The following SS18L1 variants were observed in gnomAD, a reference collection of about 807,000 sequenced individuals.
SS18L1 encodes calcium-responsive transactivator.
Under a neutral mutation model 70.3 loss-of-function variants are expected in SS18L1, and 32 were observed. The ratio of observed to expected loss-of-function variants is 0.46; its 90% confidence interval spans 0.34 to 0.61. The LOEUF is 0.61. Ranked by LOEUF, SS18L1 falls within the 20% of genes least tolerant of loss-of-function variation. SS18L1 has a pLI of 0.01. For missense variants in SS18L1, 430 were observed against 542.1 expected (o/e 0.79, Z 2.05); for synonymous variants, 237 against 229.7 (o/e 1.03, Z -0.29).
rs1249907887 is a variant in SS18L1, at chr20:62,156,202, C to T, written c.70-2470C>T. 3.3e-5 allele frequency among the ~76,000 whole-genome samples: 5 copies of T among 152,204 alleles called. No individual in the cohort carries two copies. In the East Asian group the frequency reaches 9.6e-4, roughly 29 times the overall value. On this transcript the variant is annotated intron_variant, in intron 1 of 10. Coordinates refer to ENST00000331758, the MANE Select transcript of SS18L1 (RefSeq NM_198935.3). ...AGTGATGCTGAAATGCCCGCCGTGTCTAGTTCGTGTCCCTGGAGACAATCT... is the reference window on the plus strand; with the variant it reads ...AGTGATGCTGAAATGCCCGCCGTGTTTAGTTCGTGTCCCTGGAGACAATCT...
At position 62,163,515 on chromosome 20, in the gene SS18L1, G is replaced by C. The variant is rs774237530; in HGVS notation, c.614G>C (p.Ser205Thr). ...CACTACAGCTCGGCGCAGGGCGGCA[G>C]CCAGCACTACCAGGGCCAGTCGTCC... ...TSHYSSAQGG[S>T]QHYQGQSSIA... is the part of the protein sequence containing the mutation. Residue 205 changes from serine (S) to threonine (T), a missense_variant, in exon 6 of 11, where the codon AGC (serine) becomes ACC (threonine). Transcript: ENST00000331758. 252 of 1,611,960 alleles carry C rather than the reference G, an allele frequency of 1.6e-4. No individual in the cohort carries two copies. The highest frequency in any genetic ancestry group is 2.0e-4 in the Non-Finnish European group (235 of 1,179,862).
chr20:62,169,202 T>C (rs1239571361), intron 8 of SS18L1, among the ~76,000 whole-genome samples: 1 of 152,218 alleles, frequency 6.6e-6, no homozygotes, highest in Admixed American at 6.5e-5. Context: ...GCCCATGAGC[T>C]GCCAAAGCCA....
intron 1 of SS18L1, among the ~76,000 whole-genome samples, chr20:62,150,984 A>G (rs950099668): frequency 6.2e-4 from 94 of 152,234 alleles, no homozygotes; most frequent in African/African-American, 2.2e-3. Context: ...AGTCTTTGTA[A>G]TTAGAAAGGA....
At chr20:62,167,815 C>CTT (rs371641183) in intron 8 of SS18L1, among the ~76,000 whole-genome samples, 4 of 144,550 alleles carry the variant, frequency 2.8e-5, no homozygotes, top group African/African-American at 5.0e-5. Context: ...GATGTAGCTA[C>CTT]TTTTTTTTTT....
chr20:62,158,892 G>A lies in SS18L1; in HGVS notation c.146+144G>A. ...AGCACGGAGGCCAGATATGTCCCAG[G>A]AGTCCCCTGCACAGAGGCCAGATAT... On this transcript the variant is annotated intron_variant, in intron 2 of 10. Coordinates refer to ENST00000331758, the MANE Select transcript of SS18L1 (RefSeq NM_198935.3). The surrounding 1 kb of genome is among the most constrained non-coding windows in gnomAD (Gnocchi z 4.5). 2 of 1,602,844 alleles carry A rather than the reference G, an allele frequency of 1.2e-6. No individual in the cohort carries two copies. Among genetic ancestry groups the A allele is most frequent in the Non-Finnish European group, 1.7e-6 (2 of 1,176,028 alleles).
At position 62,180,625 on chromosome 20, in the gene SS18L1, G is replaced by T. The variant is rs1240633017; in HGVS notation, c.*1417G>T. On this transcript the variant is annotated 3_prime_UTR_variant, in exon 11 of 11. Coordinates refer to ENST00000331758, the MANE Select transcript of SS18L1 (RefSeq NM_198935.3). ...AAAGTTAAAAGTAATTCTTGGCGTG[G>T]TGGTTCACGCCTGTAATCCCAGCAC... is the stretch of plus-strand genomic sequence containing the variant. The T allele has an allele frequency of 5.9e-6, 1 of 169,430 alleles. No homozygotes were observed. Among genetic ancestry groups the T allele is most frequent in the Non-Finnish European group, 1.3e-5 (1 of 77,816 alleles). The allele number at this position is 169,430 out of a possible 1,614,324, so 10.5% of individuals were successfully genotyped here. A position where few individuals can be genotyped will look rare whatever the true frequency, so the allele number is the denominator to read the frequency against.
chr20:62,149,775 A>G (rs1196804471), intron 1 of SS18L1, among the ~76,000 whole-genome samples: 1 of 152,250 alleles, frequency 6.6e-6, no homozygotes, highest in African/African-American at 2.4e-5. Flanking sequence ...TATCCGTGGT[A>G]TTCGGAAAGG....
intron 8 of SS18L1, among the ~76,000 whole-genome samples, chr20:62,167,979 CTTTTT>C (rs575045754): frequency 0.057 from 5,993 of 105,064 alleles, 236 homozygotes; most frequent in African/African-American, 0.12. Context: ...CCAGGCCTGG[CTTTTT>C]TTTTTTTTTT....
rs2057710864 is a variant in SS18L1, at chr20:62,181,614, A to G, written c.*2406A>G. 4.7e-6 allele frequency: 1 copy of G among 212,284 alleles called. No individual in the cohort carries two copies. Among genetic ancestry groups the G allele is most frequent in the African/African-American group, 2.3e-5 (1 of 44,136 alleles). 13.2% of individuals were successfully genotyped at this position (212,284 alleles called of 1,614,324 possible). The stretch of plus-strand genomic sequence containing the variant: ...TATATATTTTAAAAAGCACTTTGCA[A>G]AATAGTTTGTACATTTATTTCCTAA... On this transcript the variant is annotated 3_prime_UTR_variant, in exon 11 of 11. Transcript: ENST00000331758.
At position 62,174,817 on chromosome 20, in the gene SS18L1, A is replaced by G. The variant is rs1372092536; in HGVS notation, c.1164+173A>G. On this transcript the variant is annotated intron_variant, in intron 10 of 10. Transcript: ENST00000331758. This position sits in a 1 kb window ranked among gnomAD's most constrained non-coding sequence, Gnocchi z 4.1. The stretch of plus-strand genomic sequence containing the variant: ...AGGTTTTGCAGAATTGCCTCTGTGT[A>G]TACGCTCACCTCAGTCATCCAGCTG... The G allele has an allele frequency of 4.0e-6, 6 of 1,502,738 alleles. No homozygotes were observed. The highest frequency in any genetic ancestry group is 1.3e-5 in the South Asian group (1 of 79,838). The allele number at this position is 1,502,738 out of a possible 1,614,324, so 93.1% of individuals were successfully genotyped here.
At chr20:62,168,458 C>T (rs938377414) in intron 8 of SS18L1, among the ~76,000 whole-genome samples, 2 of 151,946 alleles carry the variant, frequency 1.3e-5, no homozygotes, top group South Asian at 2.1e-4. Context: ...GCTGGGGGGA[C>T]GTTAGGAGGA....
Position 62,158,565 on chromosome 20 carries a change from A to G in SS18L1, c.70-107A>G. The G allele has an allele frequency of 6.7e-7, 1 of 1,493,592 alleles. No homozygotes were observed. Among genetic ancestry groups the G allele is most frequent in the Non-Finnish European group, 9.0e-7 (1 of 1,111,160 alleles). 92.5% of individuals were successfully genotyped at this position (1,493,592 alleles called of 1,614,324 possible). On this transcript the variant is annotated intron_variant, in intron 1 of 10. Transcript: ENST00000331758. This position sits in a 1 kb window ranked among gnomAD's most constrained non-coding sequence, Gnocchi z 4.5. ...ATCTGAAATCTGACACGTTTCACGT[A>G]AGGGACGCTCAACCTATATGAAAAC...
chr20:62,181,870 G>C lies in SS18L1; in HGVS notation c.*2662G>C. 4.4e-6 allele frequency: 1 copy of C among 228,144 alleles called. No individual in the cohort carries two copies. Among genetic ancestry groups the C allele is most frequent in the Non-Finnish European group, 8.7e-6 (1 of 114,840 alleles). 14.1% of individuals were successfully genotyped at this position (228,144 alleles called of 1,614,324 possible). ...TTCTGACTACTTCTATGGAAGGCCA[G>C]TGAAGAAGCAAAGGAAGACATGAAA... is the stretch of plus-strand genomic sequence containing the variant. On this transcript the variant is annotated 3_prime_UTR_variant, in exon 11 of 11. Transcript: ENST00000331758.
rs2057694301 is a variant in SS18L1 at position 62,180,785 on chromosome 20, C to G, written c.*1577C>G. The G allele has an allele frequency of 6.1e-6, 1 of 162,878 alleles. No homozygotes were observed. The highest frequency in any genetic ancestry group is 1.3e-5 in the Non-Finnish European group (1 of 74,184). The allele number at this position is 162,878 out of a possible 1,614,324, so 10.1% of individuals were successfully genotyped here. A position where few individuals can be genotyped will look rare whatever the true frequency, so the allele number is the denominator to read the frequency against. On this transcript the variant is annotated 3_prime_UTR_variant, in exon 11 of 11. Transcript: ENST00000331758. ...TGGTGCATACCTGTAATCCCAGCTA[C>G]TCGGGAACCTGAGGCAGGAGAATGG...
intron 1 of SS18L1, among the ~76,000 whole-genome samples, chr20:62,150,586 G>T (rs1415419569): frequency 3.6e-5 from 5 of 140,162 alleles, no homozygotes; most frequent in African/African-American, 1.3e-4. Flanking sequence ...GTACTACGTT[G>T]TGTCCATGTT....
chr20:62,177,841 C>T lies in SS18L1; in HGVS notation c.1165-1341C>T, dbSNP rs555206700. On this transcript the variant is annotated intron_variant, in intron 10 of 10. Coordinates refer to ENST00000331758, the MANE Select transcript of SS18L1 (RefSeq NM_198935.3). ...GGTTCTAGCAATTCTCCTGCCTCAGCATCCGGAGTAGCTGGGATTACAAGC... is the reference window on the plus strand; with the variant it reads ...GGTTCTAGCAATTCTCCTGCCTCAGTATCCGGAGTAGCTGGGATTACAAGC... 1.7e-3 allele frequency among the ~76,000 whole-genome samples: 257 copies of T among 151,598 alleles called. 3 individuals carry two copies. The highest frequency in any genetic ancestry group is 7.8e-4 in the East Asian group (4 of 5,128).
intron 1 of SS18L1, among the ~76,000 whole-genome samples, chr20:62,144,615 T>A (rs2145678096): frequency 6.6e-6 from 1 of 152,376 alleles, no homozygotes; most frequent in South Asian, 2.1e-4. Flanking sequence ...CTTGACGGAT[T>A]TGCTCCACAA....
chr20:62,172,443 C>T (rs113060236), intron 8 of SS18L1, among the ~76,000 whole-genome samples: 34 of 152,334 alleles, frequency 2.2e-4, no homozygotes, highest in African/African-American at 7.5e-4. Flanking sequence ...TGACCCGCGA[C>T]GCTGGCGTTC....
At chr20:62,152,484 G>A (rs1400583405) in intron 1 of SS18L1, among the ~76,000 whole-genome samples, 1 of 152,174 alleles carries the variant, frequency 6.6e-6, no homozygotes, top group African/African-American at 2.4e-5. Context: ...TCTGGCGCGG[G>A]TTTACCCCTG....
Sources: gnomAD v4.1 joint callset for allele counts (sites outside exome capture counted in the v4.1 genomes callset) on GRCh38, gnomAD v4.1.1 for gene constraint, Gnocchi (gnomAD v3.1) non-coding constraint, MANE v1.5 for transcripts, NCBI Gene and HGNC (gene_info 2026-07-23, HGNC 2026-07-21) for gene names.